Variants in B4GALT5 observed in about 807,000 individuals in gnomAD.
B4GALT5 encodes the protein beta-1,4-galactosyltransferase 5.
B4GALT5 carries 11 observed loss-of-function variants against 45.0 expected under a neutral mutation model. That is an observed-to-expected ratio of 0.24 (90% CI 0.15 to 0.40). B4GALT5 has a LOEUF of 0.40. B4GALT5 is among the 10% of genes least tolerant of loss of function. B4GALT5 has a pLI of 1.00. For missense variants in B4GALT5, 337 were observed against 500.2 expected (o/e 0.67, Z 3.11); for synonymous variants, 185 against 182.9 (o/e 1.01, Z -0.09).
chr20:49,670,169 T>C lies in B4GALT5; in HGVS notation c.116-13467A>G, dbSNP rs190817896. Among the ~76,000 whole-genome samples, 325 of 152,328 alleles carry C rather than the reference T, an allele frequency of 2.1e-3. 1 individual carries two copies. The highest frequency in any genetic ancestry group is 3.9e-3 in the Non-Finnish European group (265 of 68,034). On this transcript the variant is annotated intron_variant, in intron 1 of 8. Coordinates refer to ENST00000371711, the MANE Select transcript of B4GALT5 (RefSeq NM_004776.4). Reference sequence around the variant, plus strand: ...CTGTGACACAAAACTTGACGGAATCTTACACATCTTTAAAAGTGAAAACTA... The same window carrying C: ...CTGTGACACAAAACTTGACGGAATCCTACACATCTTTAAAAGTGAAAACTA...
chr20:49,642,626 A>G, intron 4 of B4GALT5, 42 bp from the exon 5 acceptor site: 1 of 1,388,292 alleles, frequency 7.2e-7, no homozygotes, highest in Non-Finnish European at 1.0e-6. Context: ...TAGGACTCTC[A>G]GCTTTCACTC....
In B4GALT5 at chr20:49,636,137, T is replaced by A; in HGVS notation, c.*175A>T. On this transcript the variant is annotated 3_prime_UTR_variant, in exon 9 of 9. Coordinates refer to ENST00000371711, the MANE Select transcript of B4GALT5 (RefSeq NM_004776.4). ...TCACTCCCTCAGTTCCAGCGGCTGA[T>A]CCAGTGAAGGCGTTTGTGCGTGTGC... 3 of 779,538 alleles carry A rather than the reference T, an allele frequency of 3.8e-6. No individual in the cohort carries two copies. The highest frequency in any genetic ancestry group is 2.0e-6 in the Non-Finnish European group (1 of 499,352). 48.3% of individuals were successfully genotyped at this position (779,538 alleles called of 1,614,324 possible). A position where few individuals can be genotyped will look rare whatever the true frequency, so the allele number is the denominator to read the frequency against.
intron 1 of B4GALT5, among the ~76,000 whole-genome samples, chr20:49,674,982 T>C (rs1189796348): frequency 6.6e-6 from 1 of 152,146 alleles, no homozygotes; most frequent in Non-Finnish European, 1.5e-5. Context: ...TCCTACTGGC[T>C]AGGTGCAAAG....
rs193264586 is a variant in B4GALT5, at chr20:49,690,759, T to C, written c.115+22817A>G. ...GTCTCAAAGAAGGCATACCGATTGA[T>C]ATGTTCAACACAAGTATTCTTGTTT... On this transcript the variant is annotated intron_variant, in intron 1 of 8. Transcript: ENST00000371711. Among the ~76,000 whole-genome samples the C allele has an allele frequency of 1.3e-3, 205 of 152,320 alleles. 2 individuals carry two copies. The highest frequency in any genetic ancestry group is 4.6e-3 in the African/African-American group (190 of 41,574).
In B4GALT5 at chr20:49,636,387, G is replaced by C; in HGVS notation, c.1092C>G (p.Asn364Lys). The C allele has an allele frequency of 5.0e-6, 8 of 1,614,148 alleles. No individual in the cohort carries two copies. The highest frequency in any genetic ancestry group is 6.8e-6 in the Non-Finnish European group (8 of 1,180,014). The stretch of plus-strand genomic sequence containing the variant: ...TTTTATACAAGGCGTCGTATGTGAT[G>C]TTTGCAAAGTAGTTCAGGTTGTTGA... ...DGLNNLNYFA[N>K]ITYDALYKNI... The change falls in exon 9 of 9, where the codon AAC becomes AAG. Residue 364 changes from asparagine to lysine, a missense_variant. This residue lies in a region of B4GALT5 where 163 missense variants were observed against 292.8 expected (regional missense o/e 0.56). Coordinates refer to ENST00000371711, the MANE Select transcript of B4GALT5 (RefSeq NM_004776.4).
chr20:49,678,901 G>A (rs763800638), intron 1 of B4GALT5, among the ~76,000 whole-genome samples: 10 of 152,108 alleles, frequency 6.6e-5, no homozygotes, highest in African/African-American at 2.2e-4. Context: ...ATGGGGGCTG[G>A]GGGGAATCCC....
chr20:49,648,912 T>G (rs939951636), intron 2 of B4GALT5, among the ~76,000 whole-genome samples: 1 of 152,232 alleles, frequency 6.6e-6, no homozygotes, highest in Non-Finnish European at 1.5e-5. Context: ...GTTTTTATTT[T>G]TTTCACAGAA....
At chr20:49,707,298 C>T (rs1303248067) in intron 1 of B4GALT5, among the ~76,000 whole-genome samples, 1 of 152,012 alleles carries the variant, frequency 6.6e-6, no homozygotes, top group Non-Finnish European at 1.5e-5. Flanking sequence ...TCTCCAAACA[C>T]GGCTTCCTCC....
intron 1 of B4GALT5, among the ~76,000 whole-genome samples, chr20:49,711,346 G>GA (rs939343187): frequency 6.6e-6 from 1 of 152,136 alleles, no homozygotes; most frequent in Non-Finnish European, 1.5e-5. Flanking sequence ...TACTGTTGAG[G>GA]AATCTTAATT....
At chr20:49,660,800 T>C (rs967305153) in intron 1 of B4GALT5, among the ~76,000 whole-genome samples, 2 of 152,084 alleles carry the variant, frequency 1.3e-5, no homozygotes, top group African/African-American at 4.8e-5. Flanking sequence ...AGCTGGGCAA[T>C]ACAGCAAAAT....
intron 1 of B4GALT5, among the ~76,000 whole-genome samples, chr20:49,694,272 C>T (rs182401069): frequency 1.6e-4 from 25 of 152,246 alleles, no homozygotes; most frequent in African/African-American, 5.8e-4. Flanking sequence ...TACCTACCAC[C>T]GATTTGCGCA....
intron 1 of B4GALT5, among the ~76,000 whole-genome samples, chr20:49,674,805 T>C (rs1477217530): frequency 2.0e-5 from 3 of 152,206 alleles, no homozygotes; most frequent in Non-Finnish European, 4.4e-5. Flanking sequence ...CTGTTGTCTC[T>C]CAATGGCTTT....
chr20:49,643,777 C>T, intron 3 of B4GALT5, 127 bp from the exon 4 acceptor site: 6 of 975,328 alleles, frequency 6.2e-6, no homozygotes, highest in Non-Finnish European at 8.9e-6. Flanking sequence ...GGATGGAAGT[C>T]CCTTCCTCTG....
chr20:49,690,560 A>AG lies in B4GALT5; in HGVS notation c.115+23015dup, dbSNP rs529720451. On this transcript the variant is annotated intron_variant, in intron 1 of 8. Transcript: ENST00000371711. ...GTGAAACTCTAACTCAAAAAAAAAA[A>AG]GGGGGGGGTGACAATTATATTTTAA... is the stretch of plus-strand genomic sequence containing the variant. Among the ~76,000 whole-genome samples, 682 of 149,368 alleles carry AG rather than the reference A, an allele frequency of 4.6e-3. 14 individuals carry two copies. The South Asian group carries it at 0.061, about 13-fold the overall frequency.
At chr20:49,709,529 T>C (rs1314790459) in intron 1 of B4GALT5, among the ~76,000 whole-genome samples, 1 of 152,162 alleles carries the variant, frequency 6.6e-6, no homozygotes, top group Non-Finnish European at 1.5e-5. Flanking sequence ...CCTAGCACTT[T>C]GGGAGACTGA....
chr20:49,663,855 A>G (rs1293814509), intron 1 of B4GALT5, among the ~76,000 whole-genome samples: 1 of 151,934 alleles, frequency 6.6e-6, no homozygotes, highest in African/African-American at 2.4e-5. Flanking sequence ...CTGTAAGGAC[A>G]AAAAGAACCG....
rs191549693 is a variant in B4GALT5 at position 49,637,869 on chromosome 20, G to A, written c.918-427C>T. Among the ~76,000 whole-genome samples, 59 of 152,124 alleles carry A rather than the reference G, an allele frequency of 3.9e-4. 2 individuals carry two copies. Among genetic ancestry groups the A allele is most frequent in the Admixed American group, 3.9e-3 (59 of 15,266 alleles). On this transcript the variant is annotated intron_variant, in intron 7 of 8. Coordinates refer to ENST00000371711, the MANE Select transcript of B4GALT5 (RefSeq NM_004776.4). ...CAGGAGAATCACTTGAACCCGGGAG[G>A]CAAAGGTTGCAGTGAGCAAAATTGC... is the stretch of plus-strand genomic sequence containing the variant.
At chr20:49,672,173 A>T (rs1302265505) in intron 1 of B4GALT5, among the ~76,000 whole-genome samples, 1 of 152,148 alleles carries the variant, frequency 6.6e-6, no homozygotes, top group Admixed American at 6.6e-5. Context: ...TTCATGTCCT[A>T]TGGGGATAAT....
At chr20:49,705,918 AC>A (rs1029521785) in intron 1 of B4GALT5, among the ~76,000 whole-genome samples, 2 of 151,728 alleles carry the variant, frequency 1.3e-5, no homozygotes, top group African/African-American at 4.8e-5. Flanking sequence ...AGTGGCTCAC[AC>A]CTGTAATCCC....
Sources: gnomAD v4.1 joint callset for allele counts (sites outside exome capture counted in the v4.1 genomes callset) on GRCh38, gnomAD v4.1.1 for gene constraint, gnomAD v4.1.1 regional missense constraint, MANE v1.5 for transcripts, NCBI Gene and HGNC (gene_info 2026-07-23, HGNC 2026-07-21) for gene names.